Variants in GRXCR1 observed in about 807,000 individuals in gnomAD.
GRXCR1 encodes glutaredoxin and cysteine rich domain containing 1.
GRXCR1 carries 27 observed loss-of-function variants against 27.3 expected under a neutral mutation model. That is an observed-to-expected ratio of 0.99 (90% CI 0.73 to 1.37). The LOEUF is 1.37. GRXCR1 is among the 40% of genes most tolerant of loss of function. The probability of loss-of-function intolerance (pLI) is 0.00; values close to 1 mark genes in which losing one functional copy is unlikely to be tolerated. For synonymous variants in GRXCR1, 122 were observed against 131.1 expected, an observed-to-expected ratio of 0.93 and a Z score of 0.47; for missense variants, 379 against 354.4, an observed-to-expected ratio of 1.07 and a Z score of -0.56.
At chr4:42,948,501 A>C (rs1018171025) in intron 1 of GRXCR1, among the ~76,000 whole-genome samples, 2 of 152,146 alleles carry the variant, frequency 1.3e-5, no homozygotes, top group African/African-American at 4.8e-5. Context: ...CAAGTTGATA[A>C]GCACGAGGAA....
At position 43,030,496 on chromosome 4, in the gene GRXCR1, T is replaced by A; in HGVS notation, c.829T>A (p.Cys277Ser). ...TTTCAAAGCCCTGAAGTGTACGGCT[T>A]GCAATGAAAATGGTCTTCAGCGTTG... ...DSFKALKCTA[C>S]NENGLQRCKN... The change falls in exon 4 of 4, where the codon TGC becomes AGC. Residue 277 changes from cysteine (C) to serine (S), a missense_variant. Coordinates refer to ENST00000399770, the MANE Select transcript of GRXCR1 (RefSeq NM_001080476.3). 6.2e-7 allele frequency: 1 copy of A among 1,614,162 alleles called. No homozygotes were observed. Among genetic ancestry groups the A allele is most frequent in the Non-Finnish European group, 8.5e-7 (1 of 1,180,010 alleles).
intron 1 of GRXCR1, among the ~76,000 whole-genome samples, chr4:42,927,545 G>A (rs1418563740): frequency 2.6e-5 from 4 of 151,954 alleles, no homozygotes; most frequent in Non-Finnish European, 2.9e-5. Flanking sequence ...GTAAAAAGGT[G>A]TTTAAAATTC....
chr4:42,984,136 C>T (rs1242501309), intron 2 of GRXCR1, among the ~76,000 whole-genome samples: 1 of 152,122 alleles, frequency 6.6e-6, no homozygotes, highest in Non-Finnish European at 1.5e-5. Flanking sequence ...ATGCCCAGCC[C>T]ACAGATACAT....
intron 1 of GRXCR1, among the ~76,000 whole-genome samples, chr4:42,918,613 T>C (rs1357994638): frequency 6.6e-6 from 1 of 152,184 alleles, no homozygotes; most frequent in Non-Finnish European, 1.5e-5. Flanking sequence ...TATTCTGATA[T>C]CTGCTGCTTT....
intron 2 of GRXCR1, among the ~76,000 whole-genome samples, chr4:43,007,685 T>A (rs2109800575): frequency 6.6e-6 from 1 of 152,324 alleles, no homozygotes; most frequent in East Asian, 1.9e-4. Flanking sequence ...GAATGTGGGA[T>A]GATGAAAAAT....
chr4:42,999,387 G>A (rs1030320494), intron 2 of GRXCR1, among the ~76,000 whole-genome samples: 2 of 152,208 alleles, frequency 1.3e-5, no homozygotes, highest in Admixed American at 1.3e-4. Flanking sequence ...GCTTCTTCAA[G>A]GTCCTTCGAC....
At chr4:42,982,303 G>A (rs1353660993) in intron 2 of GRXCR1, among the ~76,000 whole-genome samples, 31 of 144,688 alleles carry the variant, frequency 2.1e-4, no homozygotes, top group Admixed American at 1.6e-3. Context: ...AGAATATGCG[G>A]TGTTTGGTTT....
chr4:42,932,282 T>C (rs1747330543), intron 1 of GRXCR1, among the ~76,000 whole-genome samples: 1 of 151,744 alleles, frequency 6.6e-6, no homozygotes, highest in Non-Finnish European at 1.5e-5. Context: ...GCGGATTCCT[T>C]CCTTGGCCCC....
chr4:43,024,963 T>C (rs1039476056), intron 3 of GRXCR1, among the ~76,000 whole-genome samples: 2 of 152,138 alleles, frequency 1.3e-5, no homozygotes, highest in South Asian at 4.1e-4. Flanking sequence ...ATAGGATACT[T>C]AACGGACTTT....
chr4:43,017,207 T>C lies in GRXCR1; in HGVS notation c.628-3147T>C, dbSNP rs142772240. 2.4e-3 allele frequency among the ~76,000 whole-genome samples: 358 copies of C among 152,334 alleles called. 2 individuals carry two copies. The highest frequency in any genetic ancestry group is 8.2e-3 in the African/African-American group (340 of 41,578). ...GAGTCACTGCAGTGAAAGCCTTCAA[T>C]TCACTTGAGCTTCTTGGGCACCTAG... On this transcript the variant is annotated intron_variant, in intron 2 of 3. Transcript: ENST00000399770.
At chr4:42,914,426 T>C (rs1404453122) in intron 1 of GRXCR1, among the ~76,000 whole-genome samples, 2 of 152,224 alleles carry the variant, frequency 1.3e-5, no homozygotes, top group Non-Finnish European at 2.9e-5. Flanking sequence ...ATTTTGAACT[T>C]GCATGGGGGC....
At chr4:43,003,420 G>A (rs191630692) in intron 2 of GRXCR1, among the ~76,000 whole-genome samples, 15 of 152,302 alleles carry the variant, frequency 9.8e-5, no homozygotes, top group Non-Finnish European at 2.2e-4. Flanking sequence ...CTTTGGAACT[G>A]GGTACAAGCA....
chr4:42,953,567 G>A lies in GRXCR1; in HGVS notation c.385-9325G>A, dbSNP rs144663763. 6.4e-4 allele frequency among the ~76,000 whole-genome samples: 98 copies of A among 152,132 alleles called. 1 individual carries two copies. Among genetic ancestry groups the A allele is most frequent in the African/African-American group, 2.2e-3 (93 of 41,504 alleles). ...AGCTGGTGGGAAGTGTAGAACAGAT[G>A]GGCTGTCCTCACCTAGCCATAGCCA... On this transcript the variant is annotated intron_variant, in intron 1 of 3. Transcript: ENST00000399770.
chr4:42,902,630 G>C (rs1746486717), intron 1 of GRXCR1, among the ~76,000 whole-genome samples: 1 of 152,152 alleles, frequency 6.6e-6, no homozygotes, highest in South Asian at 2.1e-4. Flanking sequence ...GGAGCTGAAT[G>C]ATGACAACAC....
At position 42,893,389 on chromosome 4, in the gene GRXCR1, T is replaced by C. The variant is rs752488549; in HGVS notation, c.123T>C (p.Ser41=). 1.9e-6 allele frequency: 3 copies of C among 1,613,856 alleles called. No homozygotes were observed. Among genetic ancestry groups the C allele is most frequent in the East Asian group, 4.5e-5 (2 of 44,840 alleles). The change falls in exon 1 of 4, where the codon TCT becomes TCC. Residue 41 remains serine, a synonymous_variant. Coordinates refer to ENST00000399770, the MANE Select transcript of GRXCR1 (RefSeq NM_001080476.3). ...ATGAAGATGGGCAACCGTCAGGCTC[T>C]CTGGATTCTGAATGTGCCAGTATCT... ...EVYEDGQPSG[S]LDSECASICG...
At chr4:42,929,674 T>C (rs922488752) in intron 1 of GRXCR1, among the ~76,000 whole-genome samples, 16 of 152,012 alleles carry the variant, frequency 1.1e-4, no homozygotes, top group African/African-American at 3.6e-4. Flanking sequence ...AAGTGTAGGC[T>C]GCCTGAGCCT....
At chr4:43,021,736 A>G (rs2109807844) in intron 3 of GRXCR1, among the ~76,000 whole-genome samples, 1 of 152,330 alleles carries the variant, frequency 6.6e-6, no homozygotes, top group Non-Finnish European at 1.5e-5. Context: ...CGGGAGGAGA[A>G]TGCTTGGGCT....
intron 2 of GRXCR1, among the ~76,000 whole-genome samples, chr4:42,983,443 G>A (rs1711555436): frequency 6.6e-6 from 1 of 151,664 alleles, no homozygotes; most frequent in Non-Finnish European, 1.5e-5. Context: ...GTAGCATGCT[G>A]TTTTGGTTAC....
At chr4:43,006,989 T>A (rs1712581565) in intron 2 of GRXCR1, among the ~76,000 whole-genome samples, 1 of 152,182 alleles carries the variant, frequency 6.6e-6, no homozygotes, top group African/African-American at 2.4e-5. Flanking sequence ...GGTTCCCCGA[T>A]AAAGGAGCTT....
Sources: gnomAD v4.1 joint callset for allele counts (sites outside exome capture counted in the v4.1 genomes callset) on GRCh38, gnomAD v4.1.1 for gene constraint, MANE v1.5 for transcripts, NCBI Gene and HGNC (gene_info 2026-07-23, HGNC 2026-07-21) for gene names.